Variants in ATG5 observed in about 807,000 individuals in gnomAD.
The protein encoded by ATG5 is autophagy protein 5.
A neutral mutation model predicts 36.5 loss-of-function variants in ATG5; 14 were observed. The ratio of observed to expected loss-of-function variants is 0.38; its 90% CI spans 0.25 to 0.60. ATG5 has a LOEUF of 0.60. Ranked by LOEUF, ATG5 falls within the 20% of genes least tolerant of loss-of-function variation. The pLI, the probability that ATG5 is intolerant of heterozygous loss-of-function variation, is 0.60. For synonymous variants in ATG5, 95 were observed against 101.5 expected (o/e 0.94, Z 0.38); for missense variants, 195 against 326.7 (o/e 0.60, Z 3.11).
chr6:106,205,208 T>C (rs1404993196), intron 6 of ATG5, among the ~76,000 whole-genome samples: 1 of 152,140 alleles, frequency 6.6e-6, no homozygotes, highest in African/African-American at 2.4e-5. Context: ...AGCAAGCTTA[T>C]GTGAAGACAA....
At chr6:106,224,869 G>A (rs1296813762) in intron 6 of ATG5, among the ~76,000 whole-genome samples, 3 of 152,090 alleles carry the variant, frequency 2.0e-5, no homozygotes, top group Non-Finnish European at 2.9e-5. Context: ...CAAAAAGAGC[G>A]AAACTCTTGT....
chr6:106,314,232 T>C (rs1770758181), intron 2 of ATG5, among the ~76,000 whole-genome samples: 2 of 152,160 alleles, frequency 1.3e-5, no homozygotes, highest in South Asian at 4.1e-4. Context: ...TCTCTAACTT[T>C]AGGAAGTATG....
At chr6:106,251,571 A>G (rs1396063055) in intron 5 of ATG5, among the ~76,000 whole-genome samples, 1 of 96,138 alleles carries the variant, frequency 1.0e-5, no homozygotes, top group African/African-American at 4.1e-5. Flanking sequence ...ATCTTCTTAT[A>G]GAAACGCTAT....
intron 3 of ATG5, among the ~76,000 whole-genome samples, chr6:106,299,265 T>C (rs1267742000): frequency 6.6e-6 from 1 of 152,232 alleles, no homozygotes; most frequent in Non-Finnish European, 1.5e-5. Context: ...ATTGCTAGAT[T>C]ACTTATAATA....
intron 3 of ATG5, among the ~76,000 whole-genome samples, chr6:106,302,533 T>G (rs1770260124): frequency 6.6e-6 from 1 of 151,874 alleles, no homozygotes; most frequent in Non-Finnish European, 1.5e-5. Context: ...ACTAAAACAA[T>G]CCATGTGAGA....
intron 1 of ATG5, among the ~76,000 whole-genome samples, chr6:106,316,988 C>T (rs1770876437): frequency 6.6e-6 from 1 of 152,108 alleles, no homozygotes; most frequent in Non-Finnish European, 1.5e-5. Context: ...CCCTCTGGCC[C>T]CAGTGAAACA....
At chr6:106,293,796 T>G (rs922822286) in intron 3 of ATG5, among the ~76,000 whole-genome samples, 1 of 152,128 alleles carries the variant, frequency 6.6e-6, no homozygotes, top group African/African-American at 2.4e-5. Flanking sequence ...AACTTAGCAA[T>G]AAATAAACAT....
intron 1 of ATG5, among the ~76,000 whole-genome samples, chr6:106,320,611 C>T (rs995319272): frequency 2.2e-5 from 3 of 139,190 alleles, no homozygotes; most frequent in Non-Finnish European, 4.5e-5. Flanking sequence ...TTACCCAAGT[C>T]AAAAGGCTGT....
At chr6:106,303,124 C>G (rs1770283950) in intron 3 of ATG5, among the ~76,000 whole-genome samples, 1 of 151,516 alleles carries the variant, frequency 6.6e-6, no homozygotes, top group Admixed American at 6.6e-5. Flanking sequence ...AAACAGAAAC[C>G]AACAAAATTG....
chr6:106,265,951 G>A (rs1779212265), intron 5 of ATG5, among the ~76,000 whole-genome samples: 2 of 151,224 alleles, frequency 1.3e-5, no homozygotes, highest in Non-Finnish European at 2.9e-5. Context: ...AGAAGCAAGA[G>A]CAAACAAATT....
At chr6:106,251,754 AAG>A (rs1778599547) in intron 5 of ATG5, among the ~76,000 whole-genome samples, 2 of 150,832 alleles carry the variant, frequency 1.3e-5, no homozygotes, top group South Asian at 2.1e-4. Flanking sequence ...AAAAGAAAGA[AAG>A]AAAAAGAAAA....
At chr6:106,267,710 G>A (rs566993569) in intron 5 of ATG5, among the ~76,000 whole-genome samples, 16 of 152,176 alleles carry the variant, frequency 1.1e-4, no homozygotes, top group African/African-American at 2.4e-4. Flanking sequence ...TCTGATCTTC[G>A]ACAAACCAGA....
chr6:106,248,132 T>C lies in ATG5; in HGVS notation c.573+18A>G, dbSNP rs768015623. 3 of 1,551,966 alleles carry C rather than the reference T, an allele frequency of 1.9e-6. No individual in the cohort carries two copies. The South Asian group carries it at 3.3e-5, about 17-fold the overall frequency. ...GAGGCTTTCATAAATGGATGTTTTT[T>C]AAAATGTTATTTCCTACCTGATATA... On this transcript the variant is annotated intron_variant, in intron 6 of 7. Transcript: ENST00000369076.
At chr6:106,227,170 A>C (rs1777482004) in intron 6 of ATG5, among the ~76,000 whole-genome samples, 1 of 152,194 alleles carries the variant, frequency 6.6e-6, no homozygotes, top group Non-Finnish European at 1.5e-5. Flanking sequence ...AAATGACTGA[A>C]ATATAAAGAG....
At chr6:106,218,029 A>G (rs1230748683) in intron 6 of ATG5, among the ~76,000 whole-genome samples, 1 of 152,206 alleles carries the variant, frequency 6.6e-6, no homozygotes, top group Non-Finnish European at 1.5e-5. Flanking sequence ...AGTATACATC[A>G]AATATTAATG....
At chr6:106,307,221 C>T (rs1326778310) in intron 3 of ATG5, among the ~76,000 whole-genome samples, 1 of 152,164 alleles carries the variant, frequency 6.6e-6, no homozygotes, top group Non-Finnish European at 1.5e-5. Context: ...AAAGCTCTTT[C>T]AAAAACTCTT....
At chr6:106,208,749 G>A (rs550384192) in intron 6 of ATG5, among the ~76,000 whole-genome samples, 1 of 152,262 alleles carries the variant, frequency 6.6e-6, no homozygotes, top group Admixed American at 6.5e-5. Context: ...CGCAGGCTGG[G>A]AGAAAATATT....
intron 5 of ATG5, among the ~76,000 whole-genome samples, chr6:106,274,990 T>C (rs1202667514): frequency 1.3e-5 from 2 of 152,216 alleles, no homozygotes; most frequent in South Asian, 4.1e-4. Flanking sequence ...TCTATAAAGC[T>C]CTGTGAAGAC....
In ATG5 at chr6:106,233,298, A is replaced by G. The variant is rs564511301; in HGVS notation, c.573+14852T>C. On this transcript the variant is annotated intron_variant, in intron 6 of 7. Transcript: ENST00000369076. Reference sequence around the variant, plus strand: ...TTCCTTGACATAACAGGTTTCTGCCAAATATGGATTCCCAGGTACGGCGAA... The same window carrying G: ...TTCCTTGACATAACAGGTTTCTGCCGAATATGGATTCCCAGGTACGGCGAA... 3.3e-5 allele frequency among the ~76,000 whole-genome samples: 5 copies of G among 152,366 alleles called. No individual in the cohort carries two copies. The East Asian group carries it at 9.6e-4, about 29-fold the overall frequency.
Sources: gnomAD v4.1 joint callset for allele counts (sites outside exome capture counted in the v4.1 genomes callset) on GRCh38, gnomAD v4.1.1 for gene constraint, MANE v1.5 for transcripts, NCBI Gene and HGNC (gene_info 2026-07-23, HGNC 2026-07-21) for gene names.